Variants in CYP26C1 observed in about 807,000 individuals in gnomAD.
The protein encoded by CYP26C1 is cytochrome P450 26C1.
Under a neutral mutation model 39.1 loss-of-function variants are expected in CYP26C1, and 41 were observed. The ratio of observed to expected loss-of-function variants is 1.05; its 90% CI spans 0.82 to 1.36. The LOEUF (loss-of-function observed/expected upper bound fraction) is 1.36, where lower values mean the gene tolerates loss of function less well. Ranked by LOEUF, CYP26C1 falls within the 40% of genes most tolerant of loss-of-function variation. The pLI is 0.00. For synonymous variants in CYP26C1, 362 were observed against 350.8 expected (o/e 1.03, Z -0.36); for missense variants, 833 against 752.0 (o/e 1.11, Z -1.26).
In CYP26C1 at chr10:93,066,010, A is replaced by ACCT; in HGVS notation, c.918_920dup (p.Ser307dup). 1 of 1,577,794 alleles carries ACCT rather than the reference A, an allele frequency of 6.3e-7. No individual in the cohort carries two copies. Among genetic ancestry groups the ACCT allele is most frequent in the Non-Finnish European group, 8.6e-7 (1 of 1,164,462 alleles). On this transcript the variant is annotated inframe_insertion, in exon 5 of 6. Coordinates refer to ENST00000651965, the MANE Select transcript of CYP26C1 (RefSeq NM_183374.3). Reference sequence around the variant, plus strand: ...CTTCTTCACCACGGCCAGTGCCAGCACCTCGCTCGTCCTGCTGCTACTGCA... The same window carrying ACCT: ...CTTCTTCACCACGGCCAGTGCCAGCACCTCCTCGCTCGTCCTGCTGCTACTGCA...
At position 93,062,942 on chromosome 10, in the gene CYP26C1, G is replaced by A. The variant is rs1846771565; in HGVS notation, c.652G>A (p.Val218Met). Residue 218 changes from valine to methionine, a missense_variant, in exon 3 of 6, where the codon GTG becomes ATG. Val to Met is a conservative substitution (Grantham distance 21, BLOSUM62 1). Coordinates refer to ENST00000651965, the MANE Select transcript of CYP26C1 (RefSeq NM_183374.3). ...GCTGGCCCGGACCTTCGAGCAGCTCGTGGAGAACCTCTTCTCACTGCCTCT... is the reference window on the plus strand; with the variant it reads ...GCTGGCCCGGACCTTCGAGCAGCTCATGGAGAACCTCTTCTCACTGCCTCT... ...ATLARTFEQL[V>M]ENLFSLPLDV... The A allele has an allele frequency of 2.5e-6, 4 of 1,602,916 alleles. No individual in the cohort carries two copies. Among genetic ancestry groups the A allele is most frequent in the East Asian group, 4.5e-5 (2 of 44,618 alleles).
rs762031353 is a variant in CYP26C1 at position 93,062,246 on chromosome 10, C to G, written c.429+12C>G. 2.6e-6 allele frequency: 4 copies of G among 1,514,214 alleles called. No individual in the cohort carries two copies. Among genetic ancestry groups the G allele is most frequent in the Non-Finnish European group, 3.5e-6 (4 of 1,134,972 alleles). The allele number at this position is 1,514,214 out of a possible 1,614,324, so 93.8% of individuals were successfully genotyped here. ...GGCGGCGGCGCAAGGTGAGTGGAAA[C>G]GGGAATGGACCGTAGATACGTCGGA... On this transcript the variant is annotated intron_variant, in intron 2 of 5. Coordinates refer to ENST00000651965, the MANE Select transcript of CYP26C1 (RefSeq NM_183374.3).
intron 4 of CYP26C1, among the ~76,000 whole-genome samples, chr10:93,065,392 G>A (rs951203857): frequency 6.6e-6 from 1 of 152,238 alleles, no homozygotes. Flanking sequence ...TTCCGATAGG[G>A]AGAGGATGAA....
Position 93,061,271 on chromosome 10 carries a change from CTTGGGGG to C in CYP26C1, c.9_15del (p.Trp4Ter). 6.3e-7 allele frequency: 1 copy of C among 1,581,874 alleles called. No homozygotes were observed. Among genetic ancestry groups the C allele is most frequent in the Non-Finnish European group, 8.6e-7 (1 of 1,165,928 alleles). ...GGCCCCCGCGGGCTCATCATGTTCC[CTTGGGGG>C]CTGAGCTGCCTGTCAGTGCTGGGGG... On this transcript the variant is annotated frameshift_variant, in exon 1 of 6. Transcript: ENST00000651965. LOFTEE classifies it high-confidence loss of function.
Position 93,068,682 on chromosome 10 carries a change from TG to T in CYP26C1, c.1557del (p.Leu520TyrfsTer9). On this transcript the variant is annotated frameshift_variant, in exon 6 of 6. Coordinates refer to ENST00000651965, the MANE Select transcript of CYP26C1 (RefSeq NM_183374.3). LOFTEE classifies it high-confidence loss of function. ...CCCTCACGCCTTCGGTTGCGGGGAA[TG>T]GGCTATGCCTCTGACATGCTTGCGC... ...HPLTPSVAGN[G>X]LCL is the part of the protein sequence containing the mutation. 1 of 1,570,526 alleles carries T rather than the reference TG, an allele frequency of 6.4e-7. No individual in the cohort carries two copies. The highest frequency in any genetic ancestry group is 8.7e-7 in the Non-Finnish European group (1 of 1,155,196).
chr10:93,063,974 T>A (rs1846783300), intron 3 of CYP26C1: 1 of 1,005,882 alleles, frequency 9.9e-7, no homozygotes, highest in Non-Finnish European at 1.2e-6. Context: ...GTCAGAGCTT[T>A]GCTGGGTGCA....
Position 93,062,215 on chromosome 10 carries a change from C to T in CYP26C1, c.410C>T (p.Pro137Leu), listed in dbSNP as rs761813096. 9.2e-6 allele frequency: 14 copies of T among 1,524,432 alleles called. No individual in the cohort carries two copies. The highest frequency in any genetic ancestry group is 1.1e-5 in the Non-Finnish European group (13 of 1,139,690). The allele number at this position is 1,524,432 out of a possible 1,614,324, so 94.4% of individuals were successfully genotyped here. Residue 137 changes from proline to leucine, a missense_variant, in exon 2 of 6, where the codon CCG becomes CTG. Physicochemically the swap from Pro to Leu is moderately conservative, Grantham distance 98. Transcript: ENST00000651965. ...SHTLLGAVGE[P>L]HRRRRKVLAR... Reference sequence around the variant, plus strand: ...ACACTGCTAGGTGCGGTCGGCGAGCCGCACCGGCGGCGGCGCAAGGTGAGT... The same window carrying T: ...ACACTGCTAGGTGCGGTCGGCGAGCTGCACCGGCGGCGGCGCAAGGTGAGT...
At position 93,063,293 on chromosome 10, in the gene CYP26C1, G is replaced by A. The variant is rs75378577; in HGVS notation, c.705+298G>A. ...GGCCGCCAGAGTTTGGGGTCTCGGT[G>A]GCAGGCGTCCTGCCAGTCGGTCGGA... On this transcript the variant is annotated intron_variant, in intron 3 of 5. Transcript: ENST00000651965. 4,249 of 1,168,686 alleles carry A rather than the reference G, an allele frequency of 3.6e-3. 126 individuals are homozygous for A. In the African/African-American group the frequency reaches 0.056, roughly 15 times the overall value. 72.4% of individuals were successfully genotyped at this position (1,168,686 alleles called of 1,614,324 possible). A position where few individuals can be genotyped will look rare whatever the true frequency, so the allele number is the denominator to read the frequency against.
Position 93,062,013 on chromosome 10 carries a change from T to A in CYP26C1, c.208T>A (p.Ser70Thr). ...GETLHWLVQG[S>T]RFHSSRRERY... ...CCACCCTCCGCCTCGCCCGCAGGGC[T>A]CGCGCTTCCACAGTTCTCGCCGAGA... Residue 70 changes from serine to threonine, a missense_variant, in exon 2 of 6, where the codon TCG becomes ACG. Ser to Thr is a moderately conservative substitution (Grantham distance 58, BLOSUM62 1). Transcript: ENST00000651965. 2 of 1,559,588 alleles carry A rather than the reference T, an allele frequency of 1.3e-6. No individual in the cohort carries two copies. The highest frequency in any genetic ancestry group is 1.7e-6 in the Non-Finnish European group (2 of 1,151,826).
chr10:93,063,862 G>A (rs909428071), intron 3 of CYP26C1: 1 of 985,852 alleles, frequency 1.0e-6, no homozygotes, highest in Non-Finnish European at 1.2e-6. Flanking sequence ...TTCCCCGGGG[G>A]AATGCTTTTG....
chr10:93,066,028 C>A lies in CYP26C1; in HGVS notation c.934C>A (p.Leu312Ile). 6.4e-7 allele frequency: 1 copy of A among 1,557,548 alleles called. No homozygotes were observed. Among genetic ancestry groups the A allele is most frequent in the African/African-American group, 1.4e-5 (1 of 70,878 alleles). Residue 312 changes from leucine (L) to isoleucine (I), a missense_variant, in exon 5 of 6, where the codon CTA becomes ATA. Coordinates refer to ENST00000651965, the MANE Select transcript of CYP26C1 (RefSeq NM_183374.3). ...TGCCAGCACCTCGCTCGTCCTGCTG[C>A]TACTGCAGCATCCGGCGGCCATCGC... ...ASASTSLVLL[L>I]LQHPAAIAKI...
At position 93,068,951 on chromosome 10, in the gene CYP26C1, T is replaced by A. The variant is rs549105166; in HGVS notation, c.*254T>A. The A allele has an allele frequency of 1.9e-6, 1 of 529,206 alleles. No homozygotes were observed. Among genetic ancestry groups the A allele is most frequent in the Non-Finnish European group, 3.1e-6 (1 of 327,416 alleles). The allele number at this position is 529,206 out of a possible 1,614,324, so 32.8% of individuals were successfully genotyped here. On this transcript the variant is annotated 3_prime_UTR_variant, in exon 6 of 6. Transcript: ENST00000651965. ...CGCTCCGCGCCCAGAGGAAGGAAAA[T>A]GTCGTGGGCCAAGCAGGAATGGAGG...
Position 93,062,939 on chromosome 10 carries a change from C to G in CYP26C1, c.649C>G (p.Leu217Val). ...CACGCTGGCCCGGACCTTCGAGCAG[C>G]TCGTGGAGAACCTCTTCTCACTGCC... is the stretch of plus-strand genomic sequence containing the variant. ...CATLARTFEQ[L>V]VENLFSLPLD... is the part of the protein sequence containing the mutation. Residue 217 changes from leucine (L) to valine (V), a missense_variant, in exon 3 of 6, where the codon CTC (leucine) becomes GTC (valine). Transcript: ENST00000651965. 6.2e-7 allele frequency: 1 copy of G among 1,603,724 alleles called. No individual in the cohort carries two copies.
In CYP26C1 at chr10:93,060,859, C is replaced by G. The variant is rs1002718943; in HGVS notation, c.-405C>G. 4.7e-5 allele frequency: 11 copies of G among 235,002 alleles called. No individual in the cohort carries two copies. The highest frequency in any genetic ancestry group is 8.2e-5 in the Non-Finnish European group (10 of 121,298). The allele number at this position is 235,002 out of a possible 1,614,324, so 14.6% of individuals were successfully genotyped here. ...GGGTCTGCAGACCAGGTTGGCAACACTGGTGAGTTGCTCTTCTTTCGCCCT... is the reference window on the plus strand; with the variant it reads ...GGGTCTGCAGACCAGGTTGGCAACAGTGGTGAGTTGCTCTTCTTTCGCCCT... On this transcript the variant is annotated 5_prime_UTR_variant, in exon 1 of 6. Coordinates refer to ENST00000651965, the MANE Select transcript of CYP26C1 (RefSeq NM_183374.3).
intron 3 of CYP26C1, chr10:93,063,926 C>A: frequency 1.0e-6 from 1 of 988,612 alleles, no homozygotes. Context: ...CACGCTCTTA[C>A]AGAGGCTAAT....
In CYP26C1 at chr10:93,068,613, G is replaced by T; in HGVS notation, c.1485G>T (p.Val495=). ...CCGCCTTCCCCGCCATGCAGACGGTGCCCATCGTGCACCCAGTGGACGGGC... is the reference window on the plus strand; with the variant it reads ...CCGCCTTCCCCGCCATGCAGACGGTTCCCATCGTGCACCCAGTGGACGGGC... ...ATPAFPAMQT[V]PIVHPVDGLR... is the part of the protein sequence containing the mutation. The change falls in exon 6 of 6, where the codon GTG becomes GTT. Residue 495 remains valine (V), a synonymous_variant. Transcript: ENST00000651965. The T allele has an allele frequency of 6.2e-7, 1 of 1,601,182 alleles. No individual in the cohort carries two copies. The highest frequency in any genetic ancestry group is 8.5e-7 in the Non-Finnish European group (1 of 1,174,870).
intron 3 of CYP26C1, chr10:93,063,260 C>T: frequency 8.3e-7 from 1 of 1,205,840 alleles, no homozygotes; most frequent in Non-Finnish European, 1.0e-6. Context: ...CCAGCCTGAG[C>T]AAGCGCGGGC....
Position 93,066,187 on chromosome 10 carries a change from C to G in CYP26C1, c.1093C>G (p.Arg365Gly). 11 of 1,465,062 alleles carry G rather than the reference C, an allele frequency of 7.5e-6. No individual in the cohort carries two copies. Among genetic ancestry groups the G allele is most frequent in the Non-Finnish European group, 9.9e-6 (11 of 1,109,930 alleles). 90.8% of individuals were successfully genotyped at this position (1,465,062 alleles called of 1,614,324 possible). ...CGACCTCAGCCTCGCGGCGCTGGGCCGTCTGCGCTACGTCGACTGCGTGGT... is the reference window on the plus strand; with the variant it reads ...CGACCTCAGCCTCGCGGCGCTGGGCGGTCTGCGCTACGTCGACTGCGTGGT... ...EPDLSLAALGRLRYVDCVVKE... is the reference protein window; with the variant it reads ...EPDLSLAALGGLRYVDCVVKE... The change falls in exon 5 of 6, where the codon CGT becomes GGT. Residue 365 changes from arginine to glycine, a missense_variant. Transcript: ENST00000651965.
At position 93,064,491 on chromosome 10, in the gene CYP26C1, C is replaced by T. The variant is rs913813535; in HGVS notation, c.816C>T (p.His272=). Residue 272 remains histidine, a synonymous_variant, in exon 4 of 6, where the codon CAC becomes CAT. Transcript: ENST00000651965. ...GTGATGCCCTCGACCTAATCATTCA[C>T]AGTGCAAGGGAGCTGGGCCATGAGC... The part of the protein sequence containing the change: ...EPGDALDLII[H]SARELGHEPS... 6.2e-7 allele frequency: 1 copy of T among 1,614,172 alleles called. No homozygotes were observed. Among genetic ancestry groups the T allele is most frequent in the Non-Finnish European group, 8.5e-7 (1 of 1,180,038 alleles).
Sources: gnomAD v4.1 joint callset for allele counts (sites outside exome capture counted in the v4.1 genomes callset) on GRCh38, gnomAD v4.1.1 for gene constraint, MANE v1.5 for transcripts, NCBI Gene and HGNC (gene_info 2026-07-23, HGNC 2026-07-21) for gene names.